CDKAL1: variants seen among roughly 807,000 people sequenced by gnomAD.
The protein encoded by CDKAL1 is threonylcarbamoyladenosine tRNA methylthiotransferase.
Under a neutral mutation model 68.2 loss-of-function variants are expected in CDKAL1, and 32 were observed. The ratio of observed to expected loss-of-function variants is 0.47; its 90% CI spans 0.35 to 0.63. CDKAL1 has a LOEUF of 0.63. Among genes scored for constraint, CDKAL1 ranks in the 30% least tolerant of loss-of-function variants. The pLI is 0.00. For missense variants in CDKAL1, 606 were observed against 696.7 expected (o/e 0.87, Z 1.47); for synonymous variants, 234 against 244.3 (o/e 0.96, Z 0.39).
chr6:20,738,054 A>C (rs1010061255), intron 5 of CDKAL1, among the ~76,000 whole-genome samples: 5 of 152,150 alleles, frequency 3.3e-5, no homozygotes, highest in Non-Finnish European at 7.4e-5. Flanking sequence ...AGTACAGTTT[A>C]ATGTCACACC....
intron 11 of CDKAL1, among the ~76,000 whole-genome samples, chr6:21,024,461 A>C (rs1237729050): frequency 6.6e-6 from 1 of 152,076 alleles, no homozygotes; most frequent in Non-Finnish European, 1.5e-5. Context: ...CAGCCTGGGC[A>C]ATGTAGTGAA....
At chr6:20,787,062 G>A (rs1477255380) in intron 8 of CDKAL1, among the ~76,000 whole-genome samples, 2 of 152,030 alleles carry the variant, frequency 1.3e-5, no homozygotes, top group Non-Finnish European at 2.9e-5. Flanking sequence ...TTAGCTTGAA[G>A]GTTTGAAATC....
chr6:20,832,796 ATAACT>A (rs1415138151), intron 8 of CDKAL1, among the ~76,000 whole-genome samples: 5 of 152,224 alleles, frequency 3.3e-5, no homozygotes, highest in East Asian at 1.9e-4. Flanking sequence ...CATATCATAA[ATAACT>A]TAATGATAAT....
intron 8 of CDKAL1, among the ~76,000 whole-genome samples, chr6:20,842,789 A>G (rs1778228210): frequency 6.6e-6 from 1 of 152,164 alleles, no homozygotes; most frequent in African/African-American, 2.4e-5. Flanking sequence ...CGAGATCACG[A>G]CATTGCACTT....
intron 4 of CDKAL1, among the ~76,000 whole-genome samples, chr6:20,594,337 T>C (rs1294344377): frequency 1.3e-5 from 2 of 152,206 alleles, no homozygotes; most frequent in East Asian, 3.8e-4. Flanking sequence ...CTCTAAGAAC[T>C]TGTTCTGTGA....
At chr6:20,600,705 G>T (rs1462885304) in intron 4 of CDKAL1, among the ~76,000 whole-genome samples, 1 of 146,366 alleles carries the variant, frequency 6.8e-6, no homozygotes, top group Non-Finnish European at 1.5e-5. Context: ...ATAGTGATTT[G>T]GTTGCCTTGA....
At position 20,573,137 on chromosome 6, in the gene CDKAL1, A is replaced by T. The variant is rs895283935; in HGVS notation, c.286+24432A>T. Among the ~76,000 whole-genome samples the T allele has an allele frequency of 2.6e-5, 4 of 152,126 alleles. No individual in the cohort carries two copies. In the East Asian group the frequency reaches 5.8e-4, roughly 22 times the overall value. ...GGACCATGTTGCGCAACTCATTGTT[A>T]CACATTTCCTGTTTGCCTTTTTTGA... On this transcript the variant is annotated intron_variant, in intron 4 of 15. Coordinates refer to ENST00000274695, the MANE Select transcript of CDKAL1 (RefSeq NM_017774.3).
At chr6:21,003,136 G>A (rs980343181) in intron 11 of CDKAL1, among the ~76,000 whole-genome samples, 2 of 151,534 alleles carry the variant, frequency 1.3e-5, no homozygotes, top group African/African-American at 4.9e-5. Context: ...TAGCGAAAAA[G>A]AGTTTTCCTG....
At chr6:20,732,872 C>T (rs1773020434) in intron 5 of CDKAL1, among the ~76,000 whole-genome samples, 2 of 152,060 alleles carry the variant, frequency 1.3e-5, no homozygotes, top group African/African-American at 4.8e-5. Flanking sequence ...TATAATGAAC[C>T]AAGTTTTTAA....
chr6:20,965,763 C>T (rs1346857962), intron 10 of CDKAL1, among the ~76,000 whole-genome samples: 2 of 152,182 alleles, frequency 1.3e-5, no homozygotes, highest in South Asian at 2.1e-4. Context: ...TTTCATGTCA[C>T]CTGTCAAAAT....
chr6:20,698,842 A>T (rs1771219369), intron 5 of CDKAL1, among the ~76,000 whole-genome samples: 1 of 152,206 alleles, frequency 6.6e-6, no homozygotes, highest in South Asian at 2.1e-4. Flanking sequence ...ATTTATATTT[A>T]TCTGGGGGAA....
chr6:20,937,436 A>C (rs1763775667), intron 9 of CDKAL1, among the ~76,000 whole-genome samples: 1 of 152,212 alleles, frequency 6.6e-6, no homozygotes, highest in Admixed American at 6.5e-5. Flanking sequence ...CAATACCAGA[A>C]ACTTAACGTT....
At chr6:20,770,390 A>G (rs538509168) in intron 7 of CDKAL1, among the ~76,000 whole-genome samples, 1 of 152,338 alleles carries the variant, frequency 6.6e-6, no homozygotes, top group South Asian at 2.1e-4. Flanking sequence ...TTGTATATAG[A>G]GTTTTTACTG....
At chr6:20,650,894 T>G (rs777596474) in intron 5 of CDKAL1, among the ~76,000 whole-genome samples, 21 of 152,184 alleles carry the variant, frequency 1.4e-4, no homozygotes, top group Non-Finnish European at 2.2e-4. Flanking sequence ...GAGTTCTCTA[T>G]TCTGTTTCCT....
At chr6:20,568,742 A>AG (rs1764573552) in intron 4 of CDKAL1, among the ~76,000 whole-genome samples, 2 of 82,500 alleles carry the variant, frequency 2.4e-5, no homozygotes, top group Non-Finnish European at 4.7e-5. Flanking sequence ...CTCAAAAAAA[A>AG]AAAAAAAACA....
chr6:20,551,744 C>A (rs770922990), intron 4 of CDKAL1, among the ~76,000 whole-genome samples: 1 of 152,016 alleles, frequency 6.6e-6, no homozygotes, highest in Non-Finnish European at 1.5e-5. Context: ...CTTAATATTT[C>A]TGTCCTTTAA....
intron 6 of CDKAL1, 40 bp from the exon 7 acceptor site, chr6:20,758,555 C>G (rs755587392): frequency 6.4e-7 from 1 of 1,570,052 alleles, no homozygotes; most frequent in Non-Finnish European, 8.6e-7. Context: ...TTTGTTTCTT[C>G]GTGTAAATTA....
intron 15 of CDKAL1, among the ~76,000 whole-genome samples, chr6:21,221,221 A>T (rs554757447): frequency 1.3e-5 from 2 of 152,102 alleles, no homozygotes; most frequent in African/African-American, 4.8e-5. Flanking sequence ...TTTTGTATTC[A>T]ATACCAGAAT....
chr6:20,892,066 C>G (rs1761435895), intron 9 of CDKAL1, among the ~76,000 whole-genome samples: 1 of 152,086 alleles, frequency 6.6e-6, no homozygotes. Flanking sequence ...GCACCGTCTC[C>G]CCTGACAGAG....
Sources: gnomAD v4.1 joint callset for allele counts (sites outside exome capture counted in the v4.1 genomes callset) on GRCh38, gnomAD v4.1.1 for gene constraint, MANE v1.5 for transcripts, NCBI Gene and HGNC (gene_info 2026-07-23, HGNC 2026-07-21) for gene names.